The following KCND3 variants were observed in gnomAD, a reference collection of about 807,000 sequenced individuals.
The protein encoded by KCND3 is A-type voltage-gated potassium channel KCND3.
In KCND3, 9 loss-of-function variants were observed where a neutral mutation model predicts 51.1. The observed-to-expected ratio is 0.18, with a 90% CI of 0.11 to 0.31. The LOEUF is 0.31. KCND3 is among the 10% of genes least tolerant of loss of function. The pLI is 1.00. For synonymous variants in KCND3, 349 were observed against 368.0 expected (o/e 0.95, Z 0.59); for missense variants, 526 against 903.8 (o/e 0.58, Z 5.36).
At chr1:111,974,983 C>A (rs897864320) in intron 2 of KCND3, among the ~76,000 whole-genome samples, 1 of 152,242 alleles carries the variant, frequency 6.6e-6, no homozygotes, top group Non-Finnish European at 1.5e-5. Flanking sequence ...GTGAATTAAT[C>A]TTTCCCTTCT....
intron 2 of KCND3, among the ~76,000 whole-genome samples, chr1:111,952,617 C>T (rs1413162019): frequency 2.6e-5 from 4 of 152,214 alleles, no homozygotes; most frequent in African/African-American, 9.6e-5. Flanking sequence ...GGGAACATCC[C>T]TCTTGGCTTC....
intron 2 of KCND3, among the ~76,000 whole-genome samples, chr1:111,796,963 C>T (rs1328843136): frequency 6.6e-6 from 1 of 152,222 alleles, no homozygotes; most frequent in Non-Finnish European, 1.5e-5. Flanking sequence ...CACTTTACTA[C>T]TGTTGGCCTG....
At chr1:111,943,606 G>A (rs768761610) in intron 2 of KCND3, among the ~76,000 whole-genome samples, 7 of 152,172 alleles carry the variant, frequency 4.6e-5, no homozygotes, top group Non-Finnish European at 8.8e-5. Flanking sequence ...TAGAAGAAGG[G>A]TTCTATTTGC....
At chr1:111,842,703 C>T (rs1667382068) in intron 2 of KCND3, among the ~76,000 whole-genome samples, 1 of 152,224 alleles carries the variant, frequency 6.6e-6, no homozygotes. Context: ...TGGCAGGTGC[C>T]TTTCCAACTC....
intron 2 of KCND3, among the ~76,000 whole-genome samples, chr1:111,923,232 G>A (rs1671556568): frequency 6.6e-6 from 1 of 152,170 alleles, no homozygotes; most frequent in Non-Finnish European, 1.5e-5. Context: ...GAGAGGACAC[G>A]GCTCATCAGA....
chr1:111,801,701 C>T (rs1271294216), intron 2 of KCND3, among the ~76,000 whole-genome samples: 1 of 152,202 alleles, frequency 6.6e-6, no homozygotes, highest in Non-Finnish European at 1.5e-5. Flanking sequence ...TAGGGTAAAT[C>T]CAGGTTGCTC....
In KCND3 at chr1:111,982,748, G is replaced by A. The variant is rs200648673; in HGVS notation, c.-22C>T. ...CCATGGTGACTCCAGCTCTTGGGCC[G>A]GCAGCCGCGCGGACGCTAGGCACAC... On this transcript the variant is annotated 5_prime_UTR_variant, in exon 2 of 8. Coordinates refer to ENST00000302127, the MANE Select transcript of KCND3 (RefSeq NM_001378969.1). This position sits in a 1 kb window ranked among gnomAD's most constrained non-coding sequence, Gnocchi z 8.5. 1.2e-5 allele frequency: 19 copies of A among 1,595,044 alleles called. No homozygotes were observed. In the East Asian group the frequency reaches 1.6e-4, roughly 13 times the overall value.
intron 2 of KCND3, among the ~76,000 whole-genome samples, chr1:111,905,045 C>T (rs1042617310): frequency 6.6e-6 from 1 of 152,228 alleles, no homozygotes; most frequent in Admixed American, 6.5e-5. Flanking sequence ...TTCCCCGTAC[C>T]TCCCCAGAAC....
At chr1:111,869,529 G>C (rs770655850) in intron 2 of KCND3, among the ~76,000 whole-genome samples, 5 of 152,218 alleles carry the variant, frequency 3.3e-5, no homozygotes, top group Non-Finnish European at 5.9e-5. Context: ...AATAGGGACA[G>C]TCACAGGGTA....
chr1:111,861,359 T>C (rs759321082), intron 2 of KCND3, among the ~76,000 whole-genome samples: 3 of 152,170 alleles, frequency 2.0e-5, no homozygotes, highest in Non-Finnish European at 2.9e-5. Flanking sequence ...TTGAGGCACA[T>C]AGAGGTACTT....
intron 3 of KCND3, among the ~76,000 whole-genome samples, chr1:111,784,664 G>A (rs1025888683): frequency 2.6e-5 from 4 of 152,162 alleles, no homozygotes; most frequent in Admixed American, 6.5e-5. Flanking sequence ...GACCCATGGT[G>A]ACAGACTCAA....
intron 2 of KCND3, among the ~76,000 whole-genome samples, chr1:111,914,282 A>C (rs1671091593): frequency 6.6e-6 from 1 of 151,716 alleles, no homozygotes; most frequent in East Asian, 1.9e-4. Context: ...TAAAAAAAAA[A>C]AAAACCCATA....
chr1:111,788,887 C>G lies in KCND3; in HGVS notation c.1107-1781G>C, dbSNP rs145480541. On this transcript the variant is annotated intron_variant, in intron 2 of 7. Transcript: ENST00000302127. ...GATCATAATCCTATTGTGACATATA[C>G]AGCTCCACAAACAATAGATACTATT... Among the ~76,000 whole-genome samples the G allele has an allele frequency of 7.9e-5, 12 of 152,314 alleles. No homozygotes were observed. The East Asian group carries it at 2.3e-3, about 29-fold the overall frequency.
chr1:111,953,479 CT>C (rs1164549511), intron 2 of KCND3, among the ~76,000 whole-genome samples: 1 of 150,016 alleles, frequency 6.7e-6, no homozygotes, highest in East Asian at 2.0e-4. Context: ...GCTTGGATGG[CT>C]TCACAGGTTA....
At chr1:111,960,635 G>C (rs1673597025) in intron 2 of KCND3, among the ~76,000 whole-genome samples, 1 of 152,214 alleles carries the variant, frequency 6.6e-6, no homozygotes, top group Non-Finnish European at 1.5e-5. Flanking sequence ...GGTGGGGTAG[G>C]GGGAGAAATC....
chr1:111,772,512 C>G lies in KCND3; in HGVS notation c.*3565G>C, dbSNP rs1337129257. On this transcript the variant is annotated 3_prime_UTR_variant, in exon 8 of 8. Coordinates refer to ENST00000302127, the MANE Select transcript of KCND3 (RefSeq NM_001378969.1). ...ATCTTCTCCAAAGCATCACTGCTCT[C>G]AGAGGCAGTGGGTGTGGTAGAAAAT... The G allele has an allele frequency of 6.6e-6, 1 of 152,204 alleles. No homozygotes were observed. Among genetic ancestry groups the G allele is most frequent in the Non-Finnish European group, 1.5e-5 (1 of 68,040 alleles). 9.4% of individuals were successfully genotyped at this position (152,204 alleles called of 1,614,324 possible).
intron 2 of KCND3, among the ~76,000 whole-genome samples, chr1:111,835,806 T>C (rs1259064295): frequency 1.3e-5 from 2 of 152,388 alleles, no homozygotes; most frequent in African/African-American, 4.8e-5. Context: ...GCATATTTAG[T>C]CGAGCAGTCC....
intron 2 of KCND3, among the ~76,000 whole-genome samples, chr1:111,787,664 T>C (rs1009009719): frequency 1.3e-5 from 2 of 152,178 alleles, no homozygotes; most frequent in Non-Finnish European, 1.5e-5. Flanking sequence ...GGGAGGAATA[T>C]GGGTTTATCC....
chr1:111,816,102 T>C (rs903414678), intron 2 of KCND3, among the ~76,000 whole-genome samples: 2 of 152,256 alleles, frequency 1.3e-5, no homozygotes, highest in East Asian at 3.8e-4. Flanking sequence ...GATACTTCCA[T>C]GTTACAGATG....
Sources: allele counts gnomAD v4.1 joint callset (sites outside exome capture counted in the v4.1 genomes callset), GRCh38; gene constraint gnomAD v4.1.1; non-coding constraint Gnocchi (gnomAD v3.1); transcripts MANE v1.5; gene names NCBI Gene and HGNC (gene_info 2026-07-23, HGNC 2026-07-21).